The following ZNF747 variants were observed in gnomAD, a reference collection of about 807,000 sequenced individuals.
The protein encoded by ZNF747 is zinc finger protein 747, also known as KRAB domain-containing protein ZNF747.
ZNF747 carries 14 observed loss-of-function variants against 13.4 expected under a neutral mutation model. The ratio of observed to expected loss-of-function variants is 1.04; its 90% CI spans 0.69 to 1.63. The LOEUF (loss-of-function observed/expected upper bound fraction) is 1.63. ZNF747 is among the 40% of genes most tolerant of loss of function. The probability of loss-of-function intolerance (pLI) is 0.00; values close to 1 mark genes in which losing one functional copy is unlikely to be tolerated. For synonymous variants in ZNF747, 212 were observed against 206.5 expected (o/e 1.03, Z -0.23); for missense variants, 532 against 477.9 (o/e 1.11, Z -1.05).
In ZNF747 at chr16:30,532,142, C is replaced by A; in HGVS notation, c.*357G>T. ...CAGCCTGGGCAACAAGAGCAAAACT[C>A]CGTCTCAAAAAATTAAAAAAGTAAA... On this transcript the variant is annotated 3_prime_UTR_variant, in exon 3 of 3. Transcript: ENST00000693075. The A allele has an allele frequency of 3.3e-6, 1 of 300,102 alleles. No homozygotes were observed. The highest frequency in any genetic ancestry group is 6.3e-6 in the Non-Finnish European group (1 of 158,926). 18.6% of individuals were successfully genotyped at this position (300,102 alleles called of 1,614,324 possible). A position where few individuals can be genotyped will look rare whatever the true frequency, so the allele number is the denominator to read the frequency against.
intron 2 of ZNF747, 121 bp downstream of exon 2, chr16:30,534,076 C>T (rs1437916245): frequency 1.5e-6 from 2 of 1,370,870 alleles, no homozygotes; most frequent in African/African-American, 3.0e-5. Context: ...AGCCTCCTGG[C>T]CGCAGTTGAG....
chr16:30,534,192 T>A lies in ZNF747; in HGVS notation c.343+5A>T. ...CCCCATGGGACTGAGCACCCGATAC[T>A]CCACCTGGGTCCGCTTCTGTCGGAC... On this transcript the variant is annotated splice_donor_5th_base_variant and intron_variant, in intron 2 of 2. Transcript: ENST00000693075. The A allele has an allele frequency of 1.2e-6, 2 of 1,610,244 alleles. No individual in the cohort carries two copies. The highest frequency in any genetic ancestry group is 2.2e-5 in the East Asian group (1 of 44,686).
rs1163529042 is a variant in ZNF747, at chr16:30,533,036, G to C, written c.459C>G (p.Ala153=). 2.5e-6 allele frequency: 4 copies of C among 1,612,386 alleles called. No homozygotes were observed. Among genetic ancestry groups the C allele is most frequent in the Non-Finnish European group, 3.4e-6 (4 of 1,179,950 alleles). ...PGLKAPQAPF[A]GLEQLSKARR... is the part of the protein sequence containing the mutation. Reference sequence around the variant, plus strand: ...GGGCCTTGGACAGCTGCTCCAACCCGGCAAAGGGGGCTTGGGGAGCCTTCA... The same window carrying C: ...GGGCCTTGGACAGCTGCTCCAACCCCGCAAAGGGGGCTTGGGGAGCCTTCA... Residue 153 remains alanine, a synonymous_variant, in exon 3 of 3, where the codon GCC becomes GCG. Transcript: ENST00000693075.
chr16:30,532,560 C>T lies in ZNF747; in HGVS notation c.935G>A (p.Gly312Glu), dbSNP rs1014283025. 6.9e-6 allele frequency: 11 copies of T among 1,586,312 alleles called. No homozygotes were observed. In the Admixed American group the frequency reaches 1.6e-4, roughly 23 times the overall value. Residue 312 changes from glycine to glutamate, a missense_variant, in exon 3 of 3, where the codon GGG becomes GAG. Transcript: ENST00000693075. Reference sequence around the variant, plus strand: ...GAAGCCCACAGGCGGGTCCAGGTCCCCGCGGACAGGAGTCAGGGTCACAGA... The same window carrying T: ...GAAGCCCACAGGCGGGTCCAGGTCCTCGCGGACAGGAGTCAGGGTCACAGA... ...GLSVTLTPVR[G>E]DLDPPVGFQL...
chr16:30,532,861 A>G lies in ZNF747; in HGVS notation c.634T>C (p.Cys212Arg), dbSNP rs1402527384. The G allele has an allele frequency of 4.4e-6, 7 of 1,589,218 alleles. No individual in the cohort carries two copies. Among genetic ancestry groups the G allele is most frequent in the Non-Finnish European group, 6.0e-6 (7 of 1,170,840 alleles). Reference protein sequence around the residue: ...YSHRGEKPFHCADCGKGFGHA... With the variant: ...YSHRGEKPFHRADCGKGFGHA... ...CCGAAGCCCTTGCCGCAGTCTGCGC[A>G]GTGGAAGGGCTTCTCGCCCCTGTGG... Residue 212 changes from cysteine to arginine, a missense_variant, in exon 3 of 3, where the codon TGC (cysteine) becomes CGC (arginine). Cys to Arg is a radical substitution (Grantham distance 180). Coordinates refer to ENST00000693075, the MANE Select transcript of ZNF747 (RefSeq NM_001305018.2).
Position 30,531,166 on chromosome 16 carries a change from TA to T in ZNF747, c.*1332del, listed in dbSNP as rs1293269572. 6.6e-6 allele frequency: 1 copy of T among 152,196 alleles called. No homozygotes were observed. The highest frequency in any genetic ancestry group is 6.5e-5 in the Admixed American group (1 of 15,280). The allele number at this position is 152,196 out of a possible 1,614,324, so 9.4% of individuals were successfully genotyped here. A position where few individuals can be genotyped will look rare whatever the true frequency, so the allele number is the denominator to read the frequency against. On this transcript the variant is annotated 3_prime_UTR_variant, in exon 3 of 3. Coordinates refer to ENST00000693075, the MANE Select transcript of ZNF747 (RefSeq NM_001305018.2). ...CTTTCTTCTTTGCTGTACTTTAAGA[TA>T]AACACCAAAAACACTAAAAGCAAGC...
chr16:30,534,840 CG>C lies in ZNF747; in HGVS notation c.-162del. ...CTGCGAGTCCATGGTCAGAACTGGA[CG>C]ATGTCTTCAAATAAAACGGCGGCAG... On this transcript the variant is annotated 5_prime_UTR_variant, in exon 1 of 3. It adds an upstream start codon to the 5' untranslated region. Transcript: ENST00000693075. The C allele has an allele frequency of 8.9e-7, 1 of 1,127,884 alleles. No homozygotes were observed. Among genetic ancestry groups the C allele is most frequent in the South Asian group, 1.7e-5 (1 of 57,900 alleles). 69.9% of individuals were successfully genotyped at this position (1,127,884 alleles called of 1,614,324 possible).
chr16:30,531,075 C>T lies in ZNF747; in HGVS notation c.*1424G>A, dbSNP rs1245439153. The stretch of plus-strand genomic sequence containing the variant: ...ATACTTAAAGACAGCAAAGATGGTG[C>T]GTACCTAAAGACAGGAAAGATGCAA... On this transcript the variant is annotated 3_prime_UTR_variant, in exon 3 of 3. Transcript: ENST00000693075. The T allele has an allele frequency of 1.3e-5, 2 of 152,250 alleles. No individual in the cohort carries two copies. The highest frequency in any genetic ancestry group is 2.1e-4 in the South Asian group (1 of 4,836). The allele number at this position is 152,250 out of a possible 1,614,324, so 9.4% of individuals were successfully genotyped here.
At chr16:30,534,118 G>A (rs914814852) in intron 2 of ZNF747, 79 bp downstream of exon 2, 3 of 1,488,900 alleles carry the variant, frequency 2.0e-6, no homozygotes, top group Non-Finnish European at 2.7e-6. Context: ...TGCTAAGCAG[G>A]TAGCTGGAGG....
At position 30,532,970 on chromosome 16, in the gene ZNF747, G is replaced by T. The variant is rs753272254; in HGVS notation, c.525C>A (p.Val175=). The change falls in exon 3 of 3, where the codon GTC becomes GTA. Residue 175 remains valine (V), a synonymous_variant. Transcript: ENST00000693075. ...AGCCGTGACGCTGGTCAGCTCGGGGGACAGGGGGGTGGGCAAAAAAGCGGG... is the reference window on the plus strand; with the variant it reads ...AGCCGTGACGCTGGTCAGCTCGGGGTACAGGGGGGTGGGCAAAAAAGCGGG... ...SRPRFFAHPP[V]PRADQRHGCY... The T allele has an allele frequency of 4.7e-4, 763 of 1,607,358 alleles. 2 individuals are homozygous for T. In the Middle Eastern group the frequency reaches 4.8e-3, roughly 10 times the overall value.
Position 30,533,055 on chromosome 16 carries a change from G to C in ZNF747, c.440C>G (p.Ala147Gly). The C allele has an allele frequency of 6.2e-7, 1 of 1,612,828 alleles. No individual in the cohort carries two copies. The highest frequency in any genetic ancestry group is 8.5e-7 in the Non-Finnish European group (1 of 1,180,018). ...CAACCCGGCAAAGGGGGCTTGGGGA[G>C]CCTTCAGCCCAGGAGACCCGGCGGC... ...PVAAGSPGLKAPQAPFAGLEQ... is the reference protein window; with the variant it reads ...PVAAGSPGLKGPQAPFAGLEQ... Residue 147 changes from alanine to glycine, a missense_variant, in exon 3 of 3, where the codon GCT becomes GGT. By Grantham distance (60) the Ala-to-Gly change is moderately conservative. Coordinates refer to ENST00000693075, the MANE Select transcript of ZNF747 (RefSeq NM_001305018.2).
rs2051432856 is a variant in ZNF747 at position 30,534,726 on chromosome 16, C to T, written c.-47G>A. The T allele has an allele frequency of 2.0e-6, 3 of 1,473,854 alleles. No homozygotes were observed. Among genetic ancestry groups the T allele is most frequent in the Non-Finnish European group, 2.7e-6 (3 of 1,114,920 alleles). The allele number at this position is 1,473,854 out of a possible 1,614,324, so 91.3% of individuals were successfully genotyped here. The stretch of plus-strand genomic sequence containing the variant: ...ATGCGGAACCTCCCGCGCCCGAGAA[C>T]ACTTCCCCGGCCCGGTACCAAGGGA... On this transcript the variant is annotated 5_prime_UTR_variant, in exon 1 of 3. Coordinates refer to ENST00000693075, the MANE Select transcript of ZNF747 (RefSeq NM_001305018.2).
chr16:30,531,159 T>G lies in ZNF747; in HGVS notation c.*1340A>C, dbSNP rs949576208. On this transcript the variant is annotated 3_prime_UTR_variant, in exon 3 of 3. Coordinates refer to ENST00000693075, the MANE Select transcript of ZNF747 (RefSeq NM_001305018.2). Reference sequence around the variant, plus strand: ...TACTTCCCTTTCTTCTTTGCTGTACTTTAAGATAAACACCAAAAACACTAA... The same window carrying G: ...TACTTCCCTTTCTTCTTTGCTGTACGTTAAGATAAACACCAAAAACACTAA... 2 of 152,264 alleles carry G rather than the reference T, an allele frequency of 1.3e-5. No individual in the cohort carries two copies. Among genetic ancestry groups the G allele is most frequent in the Admixed American group, 1.3e-4 (2 of 15,286 alleles). 9.4% of individuals were successfully genotyped at this position (152,264 alleles called of 1,614,324 possible).
rs778787661 is a variant in ZNF747, at chr16:30,534,321, A to G, written c.230-11T>C. ...TGCTGCCTCCGACTCCTGGGGGAGAAGAACGCAAACCCCACGCTGCGAGGA... is the reference window on the plus strand; with the variant it reads ...TGCTGCCTCCGACTCCTGGGGGAGAGGAACGCAAACCCCACGCTGCGAGGA... On this transcript the variant is annotated splice_polypyrimidine_tract_variant and intron_variant, in intron 1 of 2. Coordinates refer to ENST00000693075, the MANE Select transcript of ZNF747 (RefSeq NM_001305018.2). 1.4e-5 allele frequency: 22 copies of G among 1,566,164 alleles called. No individual in the cohort carries two copies. The African/African-American group carries it at 2.7e-4, about 19-fold the overall frequency.
Position 30,534,827 on chromosome 16 carries a change from G to A in ZNF747, c.-148C>T. ...TAAGGGCCGATGGCTGCGAGTCCAT[G>A]GTCAGAACTGGACGATGTCTTCAAA... On this transcript the variant is annotated 5_prime_UTR_variant, in exon 1 of 3. Transcript: ENST00000693075. 2 of 1,203,418 alleles carry A rather than the reference G, an allele frequency of 1.7e-6. No individual in the cohort carries two copies. Among genetic ancestry groups the A allele is most frequent in the Non-Finnish European group, 2.2e-6 (2 of 889,504 alleles). 74.5% of individuals were successfully genotyped at this position (1,203,418 alleles called of 1,614,324 possible).
intron 2 of ZNF747, 146 bp downstream of exon 2, chr16:30,534,051 G>A (rs1324710919): frequency 8.1e-7 from 1 of 1,231,396 alleles, no homozygotes. Flanking sequence ...GCATCCCGGA[G>A]CCAGGCAGGG....
In ZNF747 at chr16:30,532,236, A is replaced by C; in HGVS notation, c.*263T>G. On this transcript the variant is annotated 3_prime_UTR_variant, in exon 3 of 3. Transcript: ENST00000693075. Reference sequence around the variant, plus strand: ...TCCTCTTAGCATCTCTGGGAGGAGAAACAGCTTTTGCTTCCCTGTATGGAG... The same window carrying C: ...TCCTCTTAGCATCTCTGGGAGGAGACACAGCTTTTGCTTCCCTGTATGGAG... 1.7e-6 allele frequency: 1 copy of C among 572,680 alleles called. No homozygotes were observed. Among genetic ancestry groups the C allele is most frequent in the Non-Finnish European group, 3.1e-6 (1 of 322,864 alleles). The allele number at this position is 572,680 out of a possible 1,614,324, so 35.5% of individuals were successfully genotyped here. A position where few individuals can be genotyped will look rare whatever the true frequency, so the allele number is the denominator to read the frequency against.
Position 30,534,793 on chromosome 16 carries a change from G to A in ZNF747, c.-114C>T, listed in dbSNP as rs1159905702. Reference sequence around the variant, plus strand: ...GAGCCCCCGAAGGCCCACTAGAGGGGATGGAAACTAAGGGCCGATGGCTGC... The same window carrying A: ...GAGCCCCCGAAGGCCCACTAGAGGGAATGGAAACTAAGGGCCGATGGCTGC... On this transcript the variant is annotated 5_prime_UTR_variant, in exon 1 of 3. Coordinates refer to ENST00000693075, the MANE Select transcript of ZNF747 (RefSeq NM_001305018.2). 3 of 1,404,932 alleles carry A rather than the reference G, an allele frequency of 2.1e-6. No homozygotes were observed. Among genetic ancestry groups the A allele is most frequent in the African/African-American group, 2.9e-5 (2 of 68,604 alleles). The allele number at this position is 1,404,932 out of a possible 1,614,324, so 87.0% of individuals were successfully genotyped here. A position where few individuals can be genotyped will look rare whatever the true frequency, so the allele number is the denominator to read the frequency against.
Position 30,534,814 on chromosome 16 carries a change from G to A in ZNF747, c.-135C>T, listed in dbSNP as rs1457174370. On this transcript the variant is annotated 5_prime_UTR_variant, in exon 1 of 3. Coordinates refer to ENST00000693075, the MANE Select transcript of ZNF747 (RefSeq NM_001305018.2). ...AGGGGATGGAAACTAAGGGCCGATG[G>A]CTGCGAGTCCATGGTCAGAACTGGA... 41 of 1,307,324 alleles carry A rather than the reference G, an allele frequency of 3.1e-5. 1 individual carries two copies. In the South Asian group the frequency reaches 6.0e-4, roughly 19 times the overall value. 81.0% of individuals were successfully genotyped at this position (1,307,324 alleles called of 1,614,324 possible).
Sources: gnomAD v4.1 joint callset for allele counts on GRCh38, gnomAD v4.1.1 for gene constraint, MANE v1.5 for transcripts, NCBI Gene and HGNC (gene_info 2026-07-23, HGNC 2026-07-21) for gene names.